The following GALNT7 variants were observed in gnomAD, a reference collection of about 807,000 sequenced individuals.
The protein encoded by GALNT7 is N-acetylgalactosaminyltransferase 7.
In GALNT7, 60 loss-of-function variants were observed where a neutral mutation model predicts 82.1. That is an observed-to-expected ratio of 0.73 (90% confidence interval 0.59 to 0.91). The LOEUF is 0.91. Among genes scored for constraint, GALNT7 ranks in the 40% least tolerant of loss-of-function variants. The pLI, the probability that GALNT7 is intolerant of heterozygous loss-of-function variation, is 0.00. For synonymous variants in GALNT7, 243 were observed against 275.1 expected (o/e 0.88, Z 1.15); for missense variants, 660 against 804.2 (o/e 0.82, Z 2.17).
intron 2 of GALNT7, among the ~76,000 whole-genome samples, chr4:173,291,309 C>G (rs1389446185): frequency 2.0e-5 from 3 of 152,344 alleles, no homozygotes; most frequent in African/African-American, 7.2e-5. Context: ...GCTTCAGTTT[C>G]TCTCCAGAAA....
At chr4:173,210,540 G>T (rs1426561536) in intron 1 of GALNT7, among the ~76,000 whole-genome samples, 1 of 151,984 alleles carries the variant, frequency 6.6e-6, no homozygotes, top group African/African-American at 2.4e-5. Context: ...TGCAGCTGCC[G>T]CCTCCCGAGT....
Position 173,292,368 on chromosome 4 carries a change from T to G in GALNT7, c.754+94T>G. 1 of 721,554 alleles carries G rather than the reference T, an allele frequency of 1.4e-6. No individual in the cohort carries two copies. 44.7% of individuals were successfully genotyped at this position (721,554 alleles called of 1,614,324 possible). On this transcript the variant is annotated intron_variant, in intron 3 of 11. Coordinates refer to ENST00000265000, the MANE Select transcript of GALNT7 (RefSeq NM_017423.3). This position sits in a 1 kb window ranked among gnomAD's most constrained non-coding sequence, Gnocchi z 4.8. ...TTCAAAATAATTAGCTTTAAAAAAT[T>G]AATAGCATCTATTGATAGCATCTGT... is the stretch of plus-strand genomic sequence containing the variant.
intron 1 of GALNT7, 97 bp downstream of exon 1, chr4:173,169,058 G>A (rs1373978580): frequency 1.2e-5 from 15 of 1,260,884 alleles, no homozygotes; most frequent in East Asian, 2.5e-5. Context: ...GTCGCGGCAC[G>A]GCGTGGGCAC....
rs1478332800 is a variant in GALNT7 at position 173,228,326 on chromosome 4, A to ATT, written c.127-19653_127-19652insTT. ...TTCTATGCCCCATTATTATTTTTGC[A>ATT]TATTTGAGGTGATGTGGTGTAAACA... On this transcript the variant is annotated intron_variant, in intron 1 of 11. Coordinates refer to ENST00000265000, the MANE Select transcript of GALNT7 (RefSeq NM_017423.3). Among the ~76,000 whole-genome samples, 12 of 94,334 alleles carry ATT rather than the reference A, an allele frequency of 1.3e-4. No homozygotes were observed. In the East Asian group the frequency reaches 4.4e-3, roughly 35 times the overall value. 61.9% of individuals were successfully genotyped at this position (94,334 alleles called of 152,430 possible).
intron 1 of GALNT7, among the ~76,000 whole-genome samples, chr4:173,218,299 G>A (rs1484894008): frequency 6.6e-6 from 1 of 152,138 alleles, no homozygotes; most frequent in African/African-American, 2.4e-5. Context: ...AAAGATTGCT[G>A]GAATTTAGGA....
Position 173,292,722 on chromosome 4 carries a change from CAT to C in GALNT7, c.754+451_754+452del, listed in dbSNP as rs1184475818. Among the ~76,000 whole-genome samples, 4 of 152,290 alleles carry C rather than the reference CAT, an allele frequency of 2.6e-5. No individual in the cohort carries two copies. The East Asian group carries it at 7.7e-4, about 29-fold the overall frequency. On this transcript the variant is annotated intron_variant, in intron 3 of 11. Transcript: ENST00000265000. The surrounding 1 kb of genome is among the most constrained non-coding windows in gnomAD (Gnocchi z 4.8). The stretch of plus-strand genomic sequence containing the variant: ...ATGATTAGAATCTTGAAACTGTACA[CAT>C]ATGTTAGCACGAATAAATAGAAATA...
intron 4 of GALNT7, 32 bp from the exon 5 acceptor site, chr4:173,295,732 G>A: frequency 1.5e-6 from 2 of 1,354,272 alleles, no homozygotes; most frequent in Admixed American, 3.4e-5. Context: ...CGTATATGAG[G>A]AGTATTCTTT....
At chr4:173,305,588 G>A (rs926412103) in intron 8 of GALNT7, among the ~76,000 whole-genome samples, 3 of 152,152 alleles carry the variant, frequency 2.0e-5, no homozygotes, top group Non-Finnish European at 4.4e-5. Context: ...TATATATGGT[G>A]TGAGATGAAG....
At chr4:173,204,861 C>G (rs376679135) in intron 1 of GALNT7, among the ~76,000 whole-genome samples, 2 of 152,242 alleles carry the variant, frequency 1.3e-5, no homozygotes, top group East Asian at 3.9e-4. Flanking sequence ...TATTATGTCT[C>G]TTTGTTTTTC....
intron 6 of GALNT7, among the ~76,000 whole-genome samples, chr4:173,301,159 G>A (rs1337846089): frequency 2.6e-5 from 4 of 151,558 alleles, no homozygotes; most frequent in Non-Finnish European, 5.9e-5. Context: ...TTTTTTTCAA[G>A]GTAGAATCAA....
At chr4:173,181,770 T>G (rs1290528949) in intron 1 of GALNT7, among the ~76,000 whole-genome samples, 1 of 152,220 alleles carries the variant, frequency 6.6e-6, no homozygotes, top group African/African-American at 2.4e-5. Context: ...CATCCAAGTA[T>G]TGGTCAAAAT....
intron 2 of GALNT7, among the ~76,000 whole-genome samples, chr4:173,290,378 G>T (rs538656837): frequency 2.0e-5 from 3 of 152,190 alleles, no homozygotes; most frequent in African/African-American, 4.8e-5. Flanking sequence ...AAGTCTATAC[G>T]TACTCATCTG....
At chr4:173,184,181 A>G (rs1402934076) in intron 1 of GALNT7, among the ~76,000 whole-genome samples, 18 of 151,850 alleles carry the variant, frequency 1.2e-4, no homozygotes, top group Admixed American at 1.2e-3. Flanking sequence ...GACGCTCCTC[A>G]CTTCCTAGAC....
In GALNT7 at chr4:173,323,790, G is replaced by A. The variant is rs1427205284; in HGVS notation, c.*2073G>A. ...CTTTGTAAGTTGGTAATATCACTAT[G>A]CATTTCTACACATTTTATAAATTTG... On this transcript the variant is annotated 3_prime_UTR_variant, in exon 12 of 12. Transcript: ENST00000265000. 7 of 152,466 alleles carry A rather than the reference G, an allele frequency of 4.6e-5. No homozygotes were observed. The South Asian group carries it at 6.2e-4, about 14-fold the overall frequency. 9.4% of individuals were successfully genotyped at this position (152,466 alleles called of 1,614,324 possible). A position where few individuals can be genotyped will look rare whatever the true frequency, so the allele number is the denominator to read the frequency against.
chr4:173,215,981 G>A (rs758131796), intron 1 of GALNT7, among the ~76,000 whole-genome samples: 11 of 152,048 alleles, frequency 7.2e-5, no homozygotes, highest in South Asian at 2.1e-4. Flanking sequence ...GAAATCAGCC[G>A]GGCATGGCAG....
At chr4:173,266,864 GA>G (rs1735512785) in intron 2 of GALNT7, among the ~76,000 whole-genome samples, 1 of 136,110 alleles carries the variant, frequency 7.3e-6, no homozygotes, top group Non-Finnish European at 1.6e-5. Flanking sequence ...CTGAGGCTGG[GA>G]AGGGTGTGTG....
chr4:173,225,267 A>G (rs1733789749), intron 1 of GALNT7, among the ~76,000 whole-genome samples: 1 of 151,946 alleles, frequency 6.6e-6, no homozygotes, highest in Admixed American at 6.6e-5. Flanking sequence ...AGACATTTTT[A>G]TAATTTTGTT....
Position 173,323,574 on chromosome 4 carries a change from G to C in GALNT7, c.*1857G>C, listed in dbSNP as rs893971479. 6.6e-6 allele frequency: 1 copy of C among 152,574 alleles called. No homozygotes were observed. Among genetic ancestry groups the C allele is most frequent in the African/African-American group, 2.4e-5 (1 of 41,454 alleles). 9.5% of individuals were successfully genotyped at this position (152,574 alleles called of 1,614,324 possible). A position where few individuals can be genotyped will look rare whatever the true frequency, so the allele number is the denominator to read the frequency against. Reference sequence around the variant, plus strand: ...CCTTATTAACTATGCATAGGCCTAAGAAAGGTGGCAATGAACTGTGCATGT... The same window carrying C: ...CCTTATTAACTATGCATAGGCCTAACAAAGGTGGCAATGAACTGTGCATGT... On this transcript the variant is annotated 3_prime_UTR_variant, in exon 12 of 12. Transcript: ENST00000265000.
chr4:173,222,691 A>G (rs1168321913), intron 1 of GALNT7, among the ~76,000 whole-genome samples: 1 of 152,160 alleles, frequency 6.6e-6, no homozygotes, highest in Non-Finnish European at 1.5e-5. Context: ...TTGGACACTT[A>G]TTATTATCCC....
Sources: allele counts gnomAD v4.1 joint callset (sites outside exome capture counted in the v4.1 genomes callset), GRCh38; gene constraint gnomAD v4.1.1; non-coding constraint Gnocchi (gnomAD v3.1); transcripts MANE v1.5; gene names NCBI Gene and HGNC (gene_info 2026-07-23, HGNC 2026-07-21).